SLC25A48: variants seen among roughly 807,000 people sequenced by gnomAD.
SLC25A48 encodes the protein CTC-321K16.1.
SLC25A48 carries 29 observed loss-of-function variants against 32.2 expected under a neutral mutation model. The ratio of observed to expected loss-of-function variants is 0.90; its 90% CI spans 0.67 to 1.23. SLC25A48 has a LOEUF of 1.23. SLC25A48 is among the 50% of genes most tolerant of loss of function. SLC25A48 has a pLI of 0.00. For missense variants in SLC25A48, 399 were observed against 422.7 expected, an observed-to-expected ratio of 0.94 and a Z score of 0.49; for synonymous variants, 164 against 172.3, an observed-to-expected ratio of 0.95 and a Z score of 0.38.
Position 135,657,979 on chromosome 5 carries a change from A to G in SLC25A48, c.-521+23023A>G, listed in dbSNP as rs995917387. Among the ~76,000 whole-genome samples, 3 of 152,200 alleles carry G rather than the reference A, an allele frequency of 2.0e-5. 1 individual carries two copies. The South Asian group carries it at 6.2e-4, about 31-fold the overall frequency. On this transcript the variant is annotated intron_variant, in intron 3 of 10. Transcript: ENST00000646290. ...CCAACATTGGGAATTATAATTAGAC[A>G]TGAGATTTAGGTGGGGACACAGAGC...
intron 3 of SLC25A48, among the ~76,000 whole-genome samples, chr5:135,788,965 G>T (rs1756935496): frequency 6.6e-6 from 1 of 151,358 alleles, no homozygotes; most frequent in African/African-American, 2.4e-5. Flanking sequence ...TGTGTGGAGG[G>T]TGTCCACATC....
intron 3 of SLC25A48, among the ~76,000 whole-genome samples, chr5:135,705,636 A>T (rs1754490506): frequency 1.3e-5 from 2 of 152,372 alleles, no homozygotes; most frequent in South Asian, 4.1e-4. Context: ...ACAACATAAA[A>T]GTACCTGTAT....
intron 3 of SLC25A48, among the ~76,000 whole-genome samples, chr5:135,701,687 C>T (rs1414364004): frequency 6.6e-6 from 1 of 152,200 alleles, no homozygotes; most frequent in East Asian, 1.9e-4. Flanking sequence ...AATAGGCAGC[C>T]CATGCTCCAT....
chr5:135,671,299 TAG>T (rs1408580782), intron 3 of SLC25A48, among the ~76,000 whole-genome samples: 1 of 152,222 alleles, frequency 6.6e-6, no homozygotes, highest in African/African-American at 2.4e-5. Flanking sequence ...GACACTGTGC[TAG>T]CCTTTTTTCC....
chr5:135,875,600 G>A (rs1028417976), intron 6 of SLC25A48: 1 of 152,266 alleles, frequency 6.6e-6, no homozygotes, highest in African/African-American at 2.4e-5. Context: ...AGGGAAAAAT[G>A]CCTAAGGGCT....
At chr5:135,822,245 G>C (rs1191568363) in intron 4 of SLC25A48, 3 of 152,266 alleles carry the variant, frequency 2.0e-5, no homozygotes, top group African/African-American at 7.2e-5. Context: ...CCTCAAGCCT[G>C]TGCCAAATCC....
chr5:135,848,553 C>T (rs1354147070), intron 2 of SLC25A48, among the ~76,000 whole-genome samples: 1 of 152,216 alleles, frequency 6.6e-6, no homozygotes, highest in African/African-American at 2.4e-5. Context: ...CCCAGCTCTT[C>T]TTATCCTTGG....
intron 3 of SLC25A48, among the ~76,000 whole-genome samples, chr5:135,727,509 A>T (rs2126988398): frequency 6.7e-6 from 1 of 150,372 alleles, no homozygotes; most frequent in East Asian, 1.9e-4. Flanking sequence ...ATTTTCTCCT[A>T]TTTTTTTTTC....
At chr5:135,826,885 C>G (rs1438800812) in intron 4 of SLC25A48, 1 of 152,316 alleles carries the variant, frequency 6.6e-6, no homozygotes, top group Non-Finnish European at 1.5e-5. Context: ...GCCACGTGCT[C>G]CCCTAGACCC....
intron 3 of SLC25A48, among the ~76,000 whole-genome samples, chr5:135,718,767 A>G (rs146641363): frequency 3.3e-5 from 5 of 152,202 alleles, no homozygotes; most frequent in South Asian, 2.1e-4. Flanking sequence ...TACTTACTGT[A>G]TGATTCCATT....
chr5:135,643,927 C>T (rs188061067), intron 3 of SLC25A48, among the ~76,000 whole-genome samples: 1 of 152,272 alleles, frequency 6.6e-6, no homozygotes, highest in East Asian at 1.9e-4. Flanking sequence ...AGTAACTTGA[C>T]CAAGGCTGCT....
intron 3 of SLC25A48, among the ~76,000 whole-genome samples, chr5:135,809,700 C>CT (rs1396932071): frequency 6.6e-6 from 1 of 152,216 alleles, no homozygotes; most frequent in Admixed American, 6.5e-5. Context: ...GTGGATTTGT[C>CT]TTTTCCAGAA....
chr5:135,820,868 G>A (rs1211758471), intron 4 of SLC25A48, among the ~76,000 whole-genome samples: 1 of 152,216 alleles, frequency 6.6e-6, no homozygotes, highest in Non-Finnish European at 1.5e-5. Flanking sequence ...ACCAGGGTCT[G>A]AGGGCACAGA....
At chr5:135,826,500 A>T (rs1222655221) in intron 4 of SLC25A48, 1 of 152,312 alleles carries the variant, frequency 6.6e-6, no homozygotes, top group Non-Finnish European at 1.5e-5. Context: ...AGCAGGAGCC[A>T]CCTGAACAAC....
At chr5:135,728,861 CACACACACACACACACACACACAT>C (rs1755156399) in intron 3 of SLC25A48, among the ~76,000 whole-genome samples, 2 of 56,826 alleles carry the variant, frequency 3.5e-5, no homozygotes, top group African/African-American at 7.2e-5. Flanking sequence ...CACACACACA[CACACACACACACACACACACACAT>C]ACACACACAC....
In SLC25A48 at chr5:135,702,738, G is replaced by A. The variant is rs541228538; in HGVS notation, c.-521+67782G>A. Among the ~76,000 whole-genome samples the A allele has an allele frequency of 7.0e-4, 106 of 152,332 alleles. 1 individual carries two copies. In the Middle Eastern group the frequency reaches 0.014, roughly 20 times the overall value. On this transcript the variant is annotated intron_variant, in intron 3 of 10. Transcript: ENST00000646290. ...AGGCTCTGAGAAGTACCAAAGCCAG[G>A]AAGCCTGTACAATATTGTTAAATCA...
At chr5:135,592,590 G>T (rs769917364) in intron 1 of SLC25A48, among the ~76,000 whole-genome samples, 1 of 152,104 alleles carries the variant, frequency 6.6e-6, no homozygotes, top group African/African-American at 2.4e-5. Flanking sequence ...AAGGAAAGTG[G>T]CAAGGTGTGA....
chr5:135,851,188 C>T (rs1014878987), intron 3 of SLC25A48, among the ~76,000 whole-genome samples: 4 of 152,178 alleles, frequency 2.6e-5, no homozygotes, highest in Admixed American at 6.5e-5. Flanking sequence ...TTGTCTCCAC[C>T]GGACTCCATC....
intron 3 of SLC25A48, among the ~76,000 whole-genome samples, chr5:135,701,966 C>T (rs1754405864): frequency 6.6e-6 from 1 of 152,240 alleles, no homozygotes; most frequent in African/African-American, 2.4e-5. Context: ...ATATTTATCT[C>T]TTTAATCTTG....
Sources: gnomAD v4.1 joint callset for allele counts (sites outside exome capture counted in the v4.1 genomes callset) on GRCh38, gnomAD v4.1.1 for gene constraint, MANE v1.5 for transcripts, NCBI Gene and HGNC (gene_info 2026-07-23, HGNC 2026-07-21) for gene names.